Variants in PARN observed in about 807,000 individuals in gnomAD.
PARN encodes the protein poly(A)-specific ribonuclease PARN.
Under a neutral mutation model 102.8 loss-of-function variants are expected in PARN, and 71 were observed. The ratio of observed to expected loss-of-function variants is 0.69; its 90% CI spans 0.57 to 0.84. The LOEUF is 0.84. Among genes scored for constraint, PARN ranks in the 40% least tolerant of loss-of-function variants. The pLI, the probability that PARN is intolerant of heterozygous loss-of-function variation, is 0.00. For synonymous variants in PARN, 261 were observed against 252.9 expected (o/e 1.03, Z -0.30); for missense variants, 782 against 760.9 (o/e 1.03, Z -0.33).
intron 5 of PARN, among the ~76,000 whole-genome samples, chr16:14,622,597 C>T (rs1438483959): frequency 6.6e-6 from 1 of 152,236 alleles, no homozygotes; most frequent in South Asian, 2.1e-4. Context: ...CTCTGCCTCT[C>T]GGGTTCACAC....
At chr16:14,584,321 G>A in intron 16 of PARN, 26 bp downstream of exon 16, 1 of 1,479,056 alleles carries the variant, frequency 6.8e-7, no homozygotes, top group Non-Finnish European at 9.5e-7. Flanking sequence ...AAAGAGTTTG[G>A]AGGGTTTCCG....
At chr16:14,622,715 C>G (rs1304542285) in intron 5 of PARN, among the ~76,000 whole-genome samples, 1 of 152,182 alleles carries the variant, frequency 6.6e-6, no homozygotes, top group African/African-American at 2.4e-5. Context: ...ACCGTGTTAG[C>G]CAGGATGGTC....
intron 21 of PARN, among the ~76,000 whole-genome samples, chr16:14,489,104 T>C (rs983943937): frequency 2.0e-5 from 3 of 151,956 alleles, no homozygotes; most frequent in Admixed American, 6.6e-5. Context: ...CATACACACA[T>C]GGCGGGGGTG....
At chr16:14,542,575 A>C (rs1289866284) in intron 21 of PARN, among the ~76,000 whole-genome samples, 1 of 152,098 alleles carries the variant, frequency 6.6e-6, no homozygotes, top group Admixed American at 6.5e-5. Flanking sequence ...ATTAAAAAAA[A>C]AAAGAAAAGA....
chr16:14,596,853 C>A (rs1019110003), intron 12 of PARN, among the ~76,000 whole-genome samples: 11 of 149,902 alleles, frequency 7.3e-5, no homozygotes, highest in African/African-American at 2.7e-4. Context: ...ATGGTGCAAT[C>A]TCAGGTTACT....
At chr16:14,604,068 T>C (rs1596827684) in intron 11 of PARN, 78 bp downstream of exon 11, 4 of 869,022 alleles carry the variant, frequency 4.6e-6, no homozygotes, top group South Asian at 4.5e-5. Context: ...ATCCAACATA[T>C]GATCTGAAAT....
rs1971307036 is a variant in PARN, at chr16:14,608,148, T to C, written c.659+133A>G. 2.5e-5 allele frequency: 17 copies of C among 680,332 alleles called. No homozygotes were observed. The South Asian group carries it at 2.9e-4, about 11-fold the overall frequency. 42.1% of individuals were successfully genotyped at this position (680,332 alleles called of 1,614,324 possible). A position where few individuals can be genotyped will look rare whatever the true frequency, so the allele number is the denominator to read the frequency against. On this transcript the variant is annotated intron_variant, in intron 9 of 23. Coordinates refer to ENST00000437198, the MANE Select transcript of PARN (RefSeq NM_002582.4). ...TAAGTGAGTATTCAACTTAAGAAAG[T>C]AGGGGGAACTTCATGTAGTCAAATC... is the stretch of plus-strand genomic sequence containing the variant.
intron 21 of PARN, among the ~76,000 whole-genome samples, chr16:14,539,127 A>G (rs941252985): frequency 1.3e-5 from 2 of 152,210 alleles, no homozygotes; most frequent in African/African-American, 2.4e-5. Flanking sequence ...GAATCATCCC[A>G]AAACCATTCC....
At chr16:14,562,126 A>G (rs140592392) in intron 18 of PARN, among the ~76,000 whole-genome samples, 1 of 152,184 alleles carries the variant, frequency 6.6e-6, no homozygotes, top group East Asian at 1.9e-4. Context: ...ACAGAGTGAG[A>G]CTCCATCGCA....
intron 21 of PARN, among the ~76,000 whole-genome samples, chr16:14,493,767 G>GT (rs1384045476): frequency 6.6e-6 from 1 of 152,230 alleles, no homozygotes; most frequent in Admixed American, 6.5e-5. Flanking sequence ...TGCTTAGGCT[G>GT]TAAGTTCCTA....
intron 11 of PARN, 95 bp from the exon 12 acceptor site, chr16:14,600,055 G>C (rs540251207): frequency 1.8e-5 from 12 of 668,862 alleles, no homozygotes; most frequent in East Asian, 1.2e-4. Flanking sequence ...CTGAAATTTT[G>C]TATCAAGTTA....
chr16:14,507,670 CAG>C (rs1050814496), intron 21 of PARN, among the ~76,000 whole-genome samples: 23 of 151,302 alleles, frequency 1.5e-4, no homozygotes, highest in South Asian at 4.2e-4. Flanking sequence ...GCCTGGGTGA[CAG>C]GGGGAAAAAA....
chr16:14,604,193 C>T lies in PARN; in HGVS notation c.736G>A (p.Glu246Lys), dbSNP rs377683314. The T allele has an allele frequency of 2.5e-6, 4 of 1,599,606 alleles. No homozygotes were observed. The highest frequency in any genetic ancestry group is 3.4e-6 in the Non-Finnish European group (4 of 1,171,198). The change falls in exon 11 of 24, where the codon GAA becomes AAA. Residue 246 changes from glutamate to lysine, a missense_variant. Physicochemically the swap from Glu to Lys is moderately conservative, Grantham distance 56. Coordinates refer to ENST00000437198, the MANE Select transcript of PARN (RefSeq NM_002582.4). Reference sequence around the variant, plus strand: ...TGCTCTCTTCTTTTGCGTTCTTCTTCATCTACTTTGCTGATAACTATATAT... The same window carrying T: ...TGCTCTCTTCTTTTGCGTTCTTCTTTATCTACTTTGCTGATAACTATATAT... Reference protein sequence around the residue: ...ERYIVISKVDEEERKRREQQK... With the variant: ...ERYIVISKVDKEERKRREQQK...
At chr16:14,575,944 T>C (rs1248207215) in intron 18 of PARN, 1 of 152,526 alleles carries the variant, frequency 6.6e-6, no homozygotes, top group Non-Finnish European at 1.5e-5. Flanking sequence ...CAAGATCTGA[T>C]GGTTTTAAAA....
At chr16:14,585,796 CGTT>C (rs1229874405) in intron 14 of PARN, among the ~76,000 whole-genome samples, 8 of 152,060 alleles carry the variant, frequency 5.3e-5, no homozygotes, top group Non-Finnish European at 1.0e-4. Flanking sequence ...AAAAAGGAGT[CGTT>C]GGTCTACTTT....
intron 21 of PARN, among the ~76,000 whole-genome samples, chr16:14,487,925 A>G (rs1376917707): frequency 1.3e-5 from 2 of 152,218 alleles, no homozygotes; most frequent in African/African-American, 2.4e-5. Context: ...AACCTGAAAG[A>G]TGAATTCTAA....
In PARN at chr16:14,628,155, C is replaced by T. The variant is rs753543639; in HGVS notation, c.177+17G>A. On this transcript the variant is annotated intron_variant, in intron 3 of 23. Coordinates refer to ENST00000437198, the MANE Select transcript of PARN (RefSeq NM_002582.4). The stretch of plus-strand genomic sequence containing the variant: ...CTAACATGAGAAAGAAAAAGATTTC[C>T]TAGCACATCCACTTGCCTTTTTAAG... 7.0e-7 allele frequency: 1 copy of T among 1,425,638 alleles called. No homozygotes were observed. Among genetic ancestry groups the T allele is most frequent in the South Asian group, 1.2e-5 (1 of 85,100 alleles). 88.3% of individuals were successfully genotyped at this position (1,425,638 alleles called of 1,614,324 possible).
At chr16:14,482,905 C>T in intron 21 of PARN, 78 bp from the exon 22 acceptor site, 1 of 1,285,356 alleles carries the variant, frequency 7.8e-7, no homozygotes, top group South Asian at 1.6e-5. Flanking sequence ...TGAAATGTGG[C>T]CTAAGGTGGT....
chr16:14,588,201 A>C (rs1969973044), intron 13 of PARN, among the ~76,000 whole-genome samples: 1 of 152,248 alleles, frequency 6.6e-6, no homozygotes, highest in Non-Finnish European at 1.5e-5. Flanking sequence ...GAGAACAACA[A>C]GAGAAAATTC....
Sources: allele counts gnomAD v4.1 joint callset (sites outside exome capture counted in the v4.1 genomes callset), GRCh38; gene constraint gnomAD v4.1.1; transcripts MANE v1.5; gene names NCBI Gene and HGNC (gene_info 2026-07-23, HGNC 2026-07-21).